PTPRN2: variants seen among roughly 807,000 people sequenced by gnomAD.
The protein encoded by PTPRN2 is protein tyrosine phosphatase receptor type N2, also known as receptor-type tyrosine-protein phosphatase N2.
A neutral mutation model predicts 118.8 loss-of-function variants in PTPRN2; 74 were observed. The observed-to-expected ratio is 0.62, with a 90% confidence interval of 0.52 to 0.76. The LOEUF (loss-of-function observed/expected upper bound fraction) is 0.76. Among genes scored for constraint, PTPRN2 ranks in the 30% least tolerant of loss-of-function variants. The pLI is 0.00. For missense variants in PTPRN2, 1,481 were observed against 1,394.4 expected (o/e 1.06, Z -0.99); for synonymous variants, 641 against 608.0 (o/e 1.05, Z -0.80).
At chr7:157,628,711 G>A (rs1803750424) in intron 14 of PTPRN2, among the ~76,000 whole-genome samples, 1 of 152,204 alleles carries the variant, frequency 6.6e-6, no homozygotes. Flanking sequence ...GGGAGACACA[G>A]TAGAAGGTGT....
At chr7:158,221,461 T>C (rs888707782) in intron 3 of PTPRN2, among the ~76,000 whole-genome samples, 1 of 152,128 alleles carries the variant, frequency 6.6e-6, no homozygotes, top group African/African-American at 2.4e-5. Context: ...TTGCAAACTA[T>C]GCATCTGCAT....
intron 9 of PTPRN2, among the ~76,000 whole-genome samples, chr7:158,116,941 A>C (rs1816771944): frequency 1.3e-5 from 2 of 152,188 alleles, no homozygotes; most frequent in South Asian, 2.1e-4. Context: ...ATAAACAAAA[A>C]ATAGCAAACC....
intron 6 of PTPRN2, among the ~76,000 whole-genome samples, chr7:158,156,549 G>C (rs1004796454): frequency 1.1e-4 from 17 of 152,212 alleles, no homozygotes; most frequent in Non-Finnish European, 1.9e-4. Context: ...AATGGGAACA[G>C]TTACCTCGAA....
In PTPRN2 at chr7:158,565,638, G is replaced by C. The variant is rs112533089; in HGVS notation, c.112+21920C>G. ...CCAGGAAGAAAGTAAGCAAAGGCAC[G>C]GTAGACGCCAAGGGTCCAGGAGTCG... On this transcript the variant is annotated intron_variant, in intron 1 of 22. Transcript: ENST00000389418. The surrounding 1 kb of genome is among the most constrained non-coding windows in gnomAD (Gnocchi z 4.6). Among the ~76,000 whole-genome samples the C allele has an allele frequency of 6.6e-6, 1 of 152,206 alleles. No individual in the cohort carries two copies. Among genetic ancestry groups the C allele is most frequent in the African/African-American group, 2.4e-5 (1 of 41,438 alleles).
chr7:158,018,245 T>G (rs1355391565), intron 11 of PTPRN2, among the ~76,000 whole-genome samples: 1 of 152,206 alleles, frequency 6.6e-6, no homozygotes, highest in African/African-American at 2.4e-5. Context: ...GTGTGCTTGT[T>G]CACAGGCGCC....
At chr7:158,370,576 C>A (rs1809905616) in intron 2 of PTPRN2, among the ~76,000 whole-genome samples, 1 of 152,036 alleles carries the variant, frequency 6.6e-6, no homozygotes, top group African/African-American at 2.4e-5. Context: ...CACGGTGAAA[C>A]CCCGTCTCTA....
chr7:158,333,465 C>A (rs1386609272), intron 2 of PTPRN2, among the ~76,000 whole-genome samples: 4 of 137,188 alleles, frequency 2.9e-5, no homozygotes, highest in African/African-American at 1.2e-4. Context: ...CACACCCACA[C>A]TCTCTCCATA....
intron 8 of PTPRN2, among the ~76,000 whole-genome samples, chr7:158,135,530 C>T (rs1818733248): frequency 6.6e-6 from 1 of 152,066 alleles, no homozygotes; most frequent in Non-Finnish European, 1.5e-5. Flanking sequence ...GAAAATACAC[C>T]CCAAACAACA....
chr7:158,107,244 T>G (rs1377676650), intron 10 of PTPRN2, among the ~76,000 whole-genome samples: 3 of 152,086 alleles, frequency 2.0e-5, no homozygotes, highest in African/African-American at 7.2e-5. Context: ...ATCTGTCCCC[T>G]AAGTCACCTG....
intron 11 of PTPRN2, among the ~76,000 whole-genome samples, chr7:157,951,778 G>A (rs1460399091): frequency 6.6e-6 from 1 of 152,208 alleles, no homozygotes; most frequent in African/African-American, 2.4e-5. Context: ...CCCTGACCAT[G>A]GCCCTGCTCC....
intron 11 of PTPRN2, among the ~76,000 whole-genome samples, chr7:158,018,966 C>CAAAAAAA (rs753498681): frequency 5.0e-3 from 325 of 65,238 alleles, no homozygotes; most frequent in Middle Eastern, 0.013. Context: ...GTTTCAAAAA[C>CAAAAAAA]AAAAAAAAAA....
intron 3 of PTPRN2, among the ~76,000 whole-genome samples, chr7:158,273,450 A>G (rs1798656842): frequency 6.7e-6 from 1 of 148,196 alleles, no homozygotes; most frequent in South Asian, 2.1e-4. Flanking sequence ...ACGCGGGAGG[A>G]GCCGCAGACG....
At position 157,590,302 on chromosome 7, in the gene PTPRN2, A is replaced by T. The variant is rs1038843584; in HGVS notation, c.2496+4936T>A. On this transcript the variant is annotated intron_variant, in intron 17 of 22. Transcript: ENST00000389418. The surrounding 1 kb of genome is among the most constrained non-coding windows in gnomAD (Gnocchi z 4.0). ...TGTTTTATTTCTAGGCCAGTTTACT[A>T]CTTACTAGTAACACTGATTTCTGAA... is the stretch of plus-strand genomic sequence containing the variant. Among the ~76,000 whole-genome samples the T allele has an allele frequency of 1.3e-5, 2 of 152,210 alleles. No homozygotes were observed. Among genetic ancestry groups the T allele is most frequent in the Non-Finnish European group, 2.9e-5 (2 of 68,038 alleles).
intron 13 of PTPRN2, among the ~76,000 whole-genome samples, chr7:157,659,387 C>T (rs1386016901): frequency 2.3e-5 from 1 of 43,858 alleles, no homozygotes; most frequent in Non-Finnish European, 4.1e-5. Flanking sequence ...GGGACGGCCG[C>T]GGGGATGGGG....
intron 1 of PTPRN2, among the ~76,000 whole-genome samples, chr7:158,547,692 C>G (rs1309329241): frequency 6.6e-6 from 1 of 152,194 alleles, no homozygotes; most frequent in Non-Finnish European, 1.5e-5. Flanking sequence ...CCAGTGGGTC[C>G]AGCAGAGGCT....
Position 157,929,807 on chromosome 7 carries a change from C to G in PTPRN2, c.1724-31070G>C, listed in dbSNP as rs1446171288. The stretch of plus-strand genomic sequence containing the variant: ...AAGTGCCCTGTAATGCAGAACCTTT[C>G]CCAGTGCCCACTGGTGGTGTTCCCG... On this transcript the variant is annotated intron_variant, in intron 11 of 22. Coordinates refer to ENST00000389418, the MANE Select transcript of PTPRN2 (RefSeq NM_002847.5). This position sits in a 1 kb window ranked among gnomAD's most constrained non-coding sequence, Gnocchi z 4.4. 6.6e-6 allele frequency among the ~76,000 whole-genome samples: 1 copy of G among 151,916 alleles called. No homozygotes were observed. Among genetic ancestry groups the G allele is most frequent in the Non-Finnish European group, 1.5e-5 (1 of 67,904 alleles).
In PTPRN2 at chr7:158,098,153, C is replaced by T. The variant is rs1563431115; in HGVS notation, c.1643+12676G>A. ...TCCCCTGCACATGAGCACACACGCACGCAGGCACCAGAACTCAAGACCCAG... is the reference window on the plus strand; with the variant it reads ...TCCCCTGCACATGAGCACACACGCATGCAGGCACCAGAACTCAAGACCCAG... On this transcript the variant is annotated intron_variant, in intron 10 of 22. Transcript: ENST00000389418. Among the ~76,000 whole-genome samples the T allele has an allele frequency of 2.0e-5, 3 of 152,200 alleles. No individual in the cohort carries two copies. The South Asian group carries it at 6.2e-4, about 31-fold the overall frequency.
intron 9 of PTPRN2, among the ~76,000 whole-genome samples, chr7:158,124,615 G>T (rs913243200): frequency 3.3e-5 from 5 of 152,240 alleles, no homozygotes; most frequent in Non-Finnish European, 7.3e-5. Context: ...GGAAAGAGGG[G>T]TGTGGACAGA....
chr7:158,300,266 C>T (rs1018291051), intron 3 of PTPRN2, among the ~76,000 whole-genome samples: 1 of 152,170 alleles, frequency 6.6e-6, no homozygotes, highest in Non-Finnish European at 1.5e-5. Context: ...CAGTCAGGCT[C>T]TACCCCTAGC....
Sources: allele counts gnomAD v4.1 joint callset (sites outside exome capture counted in the v4.1 genomes callset), GRCh38; gene constraint gnomAD v4.1.1; non-coding constraint Gnocchi (gnomAD v3.1); transcripts MANE v1.5; gene names NCBI Gene and HGNC (gene_info 2026-07-23, HGNC 2026-07-21).